BAZ2B: variants seen among roughly 807,000 people sequenced by gnomAD.
BAZ2B encodes the protein bromodomain adjacent to zinc finger domain protein 2B.
BAZ2B carries 91 observed loss-of-function variants against 246.0 expected under a neutral mutation model. The ratio of observed to expected loss-of-function variants is 0.37; its 90% CI spans 0.31 to 0.44. BAZ2B has a LOEUF of 0.44. BAZ2B is among the 20% of genes least tolerant of loss of function. The pLI, the probability that BAZ2B is intolerant of heterozygous loss-of-function variation, is 1.00. For missense variants in BAZ2B, 2,332 were observed against 2,533.7 expected (o/e 0.92, Z 1.71); for synonymous variants, 855 against 860.0 (o/e 0.99, Z 0.10).
chr2:159,596,310 A>G (rs35471354), intron 1 of BAZ2B, among the ~76,000 whole-genome samples: 9,953 of 152,282 alleles, frequency 0.065, 424 homozygotes, highest in Middle Eastern at 0.19. Flanking sequence ...GAAGACAACA[A>G]TGATTAATAT....
intron 13 of BAZ2B, among the ~76,000 whole-genome samples, chr2:159,426,468 A>G (rs2069907535): frequency 6.6e-6 from 1 of 152,170 alleles, no homozygotes; most frequent in Non-Finnish European, 1.5e-5. Context: ...GTGTATACAG[A>G]ATGTGTAACA....
chr2:159,346,464 G>A (rs1402751273), intron 31 of BAZ2B, among the ~76,000 whole-genome samples: 2 of 152,080 alleles, frequency 1.3e-5, no homozygotes, highest in African/African-American at 4.8e-5. Flanking sequence ...CAGTATTTTG[G>A]GAGGCCAAAG....
the BAZ2B span, among the ~76,000 whole-genome samples, chr2:159,702,927 C>T: frequency 0.41 from 61,381 of 151,212 alleles, 13,015 homozygotes; most frequent in African/African-American, 0.51. Flanking sequence ...GTAGTCCCAG[C>T]TACTCGGGAG....
chr2:159,574,726 CTGTAA>C (rs894208771), intron 1 of BAZ2B, among the ~76,000 whole-genome samples: 31 of 152,110 alleles, frequency 2.0e-4, no homozygotes, highest in Non-Finnish European at 5.9e-5. Context: ...TGGCTCACGC[CTGTAA>C]TCCCGGCACT....
chr2:159,373,894 C>T (rs901435283), intron 26 of BAZ2B, among the ~76,000 whole-genome samples: 1 of 152,128 alleles, frequency 6.6e-6, no homozygotes, highest in African/African-American at 2.4e-5. Flanking sequence ...CCTATGTTTA[C>T]ACTCATGTTG....
intron 2 of BAZ2B, among the ~76,000 whole-genome samples, chr2:159,515,313 C>T (rs1312794322): frequency 6.6e-6 from 1 of 151,940 alleles, no homozygotes; most frequent in East Asian, 1.9e-4. Context: ...GTATATTTGT[C>T]ACTCTTTACT....
At chr2:159,519,520 G>A (rs867322345) in intron 2 of BAZ2B, among the ~76,000 whole-genome samples, 2 of 151,236 alleles carry the variant, frequency 1.3e-5, no homozygotes, top group African/African-American at 2.4e-5. Flanking sequence ...GTGAGCCACC[G>A]CGCCCGGCCT....
At chr2:159,559,913 T>C (rs965103994) in intron 1 of BAZ2B, among the ~76,000 whole-genome samples, 15 of 152,184 alleles carry the variant, frequency 9.9e-5, no homozygotes, top group Admixed American at 8.5e-4. Flanking sequence ...ACTGTTTTAG[T>C]AAATATGCAC....
At chr2:159,675,133 G>T in the BAZ2B span, among the ~76,000 whole-genome samples, 1 of 152,132 alleles carries the variant, frequency 6.6e-6, no homozygotes, top group Non-Finnish European at 1.5e-5. Flanking sequence ...CTGGCACAGA[G>T]GCTCTTACTT....
chr2:159,495,140 A>C (rs1053151118), intron 2 of BAZ2B, among the ~76,000 whole-genome samples: 1 of 152,204 alleles, frequency 6.6e-6, no homozygotes, highest in Non-Finnish European at 1.5e-5. Context: ...ATAATTAGGG[A>C]TATCTATATT....
chr2:159,653,433 C>T, the BAZ2B span, among the ~76,000 whole-genome samples: 1 of 150,792 alleles, frequency 6.6e-6, no homozygotes, highest in Non-Finnish European at 1.5e-5. Flanking sequence ...GCAGCTGACC[C>T]AGATATTCTA....
chr2:159,430,965 C>G lies in BAZ2B; in HGVS notation c.2092G>C (p.Ala698Pro). ...GHSTPRNLHI[A>P]KAPGSAPAAL... ...GCAGGAGCAGAGCCTGGGGCTTTTG[C>G]TATGTGGAGGTTACGAGGTGTTGAG... Residue 698 changes from alanine (A) to proline (P), a missense_variant, in exon 10 of 37, where the codon GCA becomes CCA. Physicochemically the swap from Ala to Pro is conservative, Grantham distance 27. This residue lies in a region of BAZ2B where 651 missense variants were observed against 650.9 expected (regional missense o/e 1.00). Coordinates refer to ENST00000392783, the MANE Select transcript of BAZ2B (RefSeq NM_013450.4). The G allele has an allele frequency of 6.2e-7, 1 of 1,613,930 alleles. No homozygotes were observed. Among genetic ancestry groups the G allele is most frequent in the South Asian group, 1.1e-5 (1 of 91,074 alleles).
At chr2:159,399,225 A>T (rs1287910992) in intron 17 of BAZ2B, among the ~76,000 whole-genome samples, 1 of 150,644 alleles carries the variant, frequency 6.6e-6, no homozygotes, top group East Asian at 1.9e-4. Flanking sequence ...ATTTTATGTC[A>T]CATTGTTTTT....
intron 1 of BAZ2B, among the ~76,000 whole-genome samples, chr2:159,612,825 A>G (rs1336433461): frequency 6.6e-6 from 1 of 152,156 alleles, no homozygotes. Flanking sequence ...AAAGCAACAC[A>G]TCAGGATGTT....
the BAZ2B span, among the ~76,000 whole-genome samples, chr2:159,655,682 T>C: frequency 4.2e-3 from 644 of 152,328 alleles, 6 homozygotes; most frequent in African/African-American, 0.014. Context: ...AATGATCTCA[T>C]TGGGTAATTT....
intron 14 of BAZ2B, among the ~76,000 whole-genome samples, chr2:159,407,188 C>T (rs953286545): frequency 1.3e-5 from 2 of 151,952 alleles, no homozygotes; most frequent in African/African-American, 4.8e-5. Context: ...AAACCCACAA[C>T]TGGCTGGGCA....
chr2:159,373,156 C>A lies in BAZ2B; in HGVS notation c.4102G>T (p.Ala1368Ser), dbSNP rs1323749869. Reference sequence around the variant, plus strand: ...ATCACTGAACGCAATGAGTGAGACGCATCAAAGAGCTTCCTTCTGTACTGA... The same window carrying A: ...ATCACTGAACGCAATGAGTGAGACGAATCAAAGAGCTTCCTTCTGTACTGA... ...QSQYRRKLFD[A>S]SHSLRSVMFG... The change falls in exon 27 of 37, where the codon GCG (alanine) becomes TCG (serine). Residue 1368 changes from alanine to serine, a missense_variant. By Grantham distance (99) the Ala-to-Ser change is moderately conservative. Around this residue, in one of 9 missense-constraint regions of BAZ2B, gnomAD observed 676 missense variants for 668.6 expected, o/e 1.01. Transcript: ENST00000392783. 6.2e-7 allele frequency: 1 copy of A among 1,613,816 alleles called. No homozygotes were observed. Among genetic ancestry groups the A allele is most frequent in the Non-Finnish European group, 8.5e-7 (1 of 1,179,830 alleles).
the BAZ2B span, among the ~76,000 whole-genome samples, chr2:159,698,263 T>G: frequency 6.6e-6 from 1 of 152,124 alleles, no homozygotes; most frequent in Non-Finnish European, 1.5e-5. Flanking sequence ...GGCTCATGCC[T>G]GTAATCCCAA....
At chr2:159,627,046 G>A in the BAZ2B span, among the ~76,000 whole-genome samples, 2 of 152,070 alleles carry the variant, frequency 1.3e-5, no homozygotes, top group East Asian at 1.9e-4. Flanking sequence ...ACACCTCTAC[G>A]CAAATAAACT....
Sources: allele counts gnomAD v4.1 joint callset (sites outside exome capture counted in the v4.1 genomes callset), GRCh38; gene constraint gnomAD v4.1.1; regional missense constraint gnomAD v4.1.1; transcripts MANE v1.5; gene names NCBI Gene and HGNC (gene_info 2026-07-23, HGNC 2026-07-21).